The following ARSG variants were observed in gnomAD, a reference collection of about 807,000 sequenced individuals.
ARSG encodes the protein arylsulfatase G, also known as ASG.
Under a neutral mutation model 50.5 loss-of-function variants are expected in ARSG, and 37 were observed. That is an observed-to-expected ratio of 0.73 (90% CI 0.56 to 0.96). ARSG has a LOEUF of 0.96. ARSG is among the 50% of genes least tolerant of loss of function. ARSG has a pLI of 0.00. For missense variants in ARSG, 629 were observed against 675.3 expected (o/e 0.93, Z 0.76); for synonymous variants, 225 against 254.6 (o/e 0.88, Z 1.11).
intron 6 of ARSG, among the ~76,000 whole-genome samples, chr17:68,360,667 A>C (rs918907838): frequency 6.6e-6 from 1 of 152,160 alleles, no homozygotes; most frequent in Non-Finnish European, 1.5e-5. Context: ...AGCCGGTAGA[A>C]GGCATGACTC....
At chr17:68,286,493 G>A (rs569328433) in intron 1 of ARSG, among the ~76,000 whole-genome samples, 3 of 152,204 alleles carry the variant, frequency 2.0e-5, no homozygotes, top group South Asian at 2.1e-4. Flanking sequence ...CAAGCCTACA[G>A]GAGAGCATTT....
intron 5 of ARSG, among the ~76,000 whole-genome samples, chr17:68,353,075 G>A (rs2078875222): frequency 6.6e-6 from 1 of 152,036 alleles, no homozygotes; most frequent in African/African-American, 2.4e-5. Context: ...TTGAGAAATT[G>A]TTACATTCTA....
intron 2 of ARSG, among the ~76,000 whole-genome samples, chr17:68,324,276 G>T (rs1032415511): frequency 1.3e-5 from 2 of 152,068 alleles, no homozygotes; most frequent in Non-Finnish European, 2.9e-5. Flanking sequence ...TCTGGTTCCT[G>T]TACCCATCCT....
In ARSG at chr17:68,271,196, G is replaced by A. The variant is rs782477243; in HGVS notation, c.-552+11770G>A. ...GCAGCGCGGTCCTGGTCAATGCCCA[G>A]ACTAATGCCCAGAGGAATGATGTAC... is the stretch of plus-strand genomic sequence containing the variant. On this transcript the variant is annotated intron_variant, in intron 1 of 11. Transcript: ENST00000448504. This position sits in a 1 kb window ranked among gnomAD's most constrained non-coding sequence, Gnocchi z 5.3. 10 of 1,614,044 alleles carry A rather than the reference G, an allele frequency of 6.2e-6. No homozygotes were observed. In the South Asian group the frequency reaches 1.1e-4, roughly 18 times the overall value.
intron 9 of ARSG, among the ~76,000 whole-genome samples, chr17:68,387,894 G>C (rs2080803914): frequency 1.3e-5 from 2 of 152,108 alleles, no homozygotes; most frequent in South Asian, 4.2e-4. Context: ...AGAATGTGTG[G>C]GAGAGGGGGC....
At chr17:68,274,316 A>C in intron 1 of ARSG, 4 of 333,556 alleles carry the variant, frequency 1.2e-5, no homozygotes, top group Middle Eastern at 9.2e-4. Flanking sequence ...AAATACAAAA[A>C]TTAGCCAGGC....
chr17:68,296,245 C>T (rs974918520), intron 1 of ARSG, among the ~76,000 whole-genome samples: 2 of 152,112 alleles, frequency 1.3e-5, no homozygotes, highest in Non-Finnish European at 2.9e-5. Context: ...GATCGAGTCA[C>T]GCTTTCTTCA....
chr17:68,278,379 T>TC, intron 1 of ARSG: 5 of 1,160,480 alleles, frequency 4.3e-6, no homozygotes, highest in Non-Finnish European at 6.4e-6. Context: ...TGAGGATCGA[T>TC]GATTCTCATA....
intron 7 of ARSG, among the ~76,000 whole-genome samples, chr17:68,370,084 G>A (rs867335145): frequency 2.6e-5 from 4 of 152,082 alleles, no homozygotes; most frequent in Admixed American, 6.6e-5. Flanking sequence ...GCAGGATCTC[G>A]CGTCACTGCA....
intron 4 of ARSG, among the ~76,000 whole-genome samples, chr17:68,347,602 C>G (rs2078573711): frequency 6.6e-6 from 1 of 152,240 alleles, no homozygotes; most frequent in Non-Finnish European, 1.5e-5. Context: ...GCAGCCTTTG[C>G]TTCCTCACCC....
chr17:68,408,007 G>C (rs920719179), intron 11 of ARSG, among the ~76,000 whole-genome samples: 9 of 147,790 alleles, frequency 6.1e-5, no homozygotes, highest in Non-Finnish European at 1.0e-4. Flanking sequence ...TTGGCTGTGG[G>C]TTTCTTTTTT....
chr17:68,337,002 A>G lies in ARSG; in HGVS notation c.219-6602A>G, dbSNP rs116286062. ...TAAGGACCTCTATGGAGGCCGTGAT[A>G]GTGGGTGGAAGAGAGGGAGGACAGA... is the stretch of plus-strand genomic sequence containing the variant. On this transcript the variant is annotated intron_variant, in intron 2 of 11. Coordinates refer to ENST00000621439, the MANE Select transcript of ARSG (RefSeq NM_001267727.2). Among the ~76,000 whole-genome samples the G allele has an allele frequency of 3.0e-3, 464 of 152,298 alleles. 2 individuals are homozygous for G. The highest frequency in any genetic ancestry group is 0.011 in the African/African-American group (448 of 41,564).
At chr17:68,356,899 T>A in intron 6 of ARSG, 95 bp downstream of exon 6, 1 of 1,477,468 alleles carries the variant, frequency 6.8e-7, no homozygotes, top group South Asian at 1.2e-5. Flanking sequence ...CTTGAGGCCA[T>A]GGCAGAGTTT....
chr17:68,293,836 C>A (rs1395763749), intron 1 of ARSG, among the ~76,000 whole-genome samples: 1 of 152,170 alleles, frequency 6.6e-6, no homozygotes, highest in East Asian at 1.9e-4. Context: ...GAAACCCAAC[C>A]TACGCACAGC....
intron 11 of ARSG, among the ~76,000 whole-genome samples, chr17:68,417,730 T>C (rs1458201955): frequency 7.4e-6 from 1 of 135,610 alleles, no homozygotes; most frequent in Middle Eastern, 3.6e-3. Flanking sequence ...TAAGAGTTGC[T>C]GAATTTTTTT....
At chr17:68,377,990 C>T (rs1388552481) in intron 8 of ARSG, among the ~76,000 whole-genome samples, 3 of 152,172 alleles carry the variant, frequency 2.0e-5, no homozygotes, top group African/African-American at 4.8e-5. Context: ...GTAAATACTT[C>T]TTCTTCCTCA....
intron 1 of ARSG, among the ~76,000 whole-genome samples, chr17:68,266,532 G>A (rs1299749496): frequency 6.7e-6 from 1 of 149,260 alleles, no homozygotes; most frequent in African/African-American, 2.5e-5. Flanking sequence ...AGTTTAGGCT[G>A]CACATGATGG....
At chr17:68,322,232 C>T (rs937731034) in intron 2 of ARSG, among the ~76,000 whole-genome samples, 2 of 152,296 alleles carry the variant, frequency 1.3e-5, no homozygotes, top group South Asian at 4.1e-4. Flanking sequence ...GCAGCCCTGC[C>T]CCACCAAGGT....
At chr17:68,335,952 G>A (rs747047680) in intron 2 of ARSG, among the ~76,000 whole-genome samples, 3 of 152,218 alleles carry the variant, frequency 2.0e-5, no homozygotes, top group Non-Finnish European at 4.4e-5. Context: ...AGGCTGGAGT[G>A]CAGTGGTGCT....
Sources: allele counts gnomAD v4.1 joint callset (sites outside exome capture counted in the v4.1 genomes callset), GRCh38; gene constraint gnomAD v4.1.1; non-coding constraint Gnocchi (gnomAD v3.1); transcripts MANE v1.5; gene names NCBI Gene and HGNC (gene_info 2026-07-23, HGNC 2026-07-21).